KYAT3: variants seen among roughly 807,000 people sequenced by gnomAD.
KYAT3 encodes kynurenine aminotransferase 3.
In KYAT3, 50 loss-of-function variants were observed where a neutral mutation model predicts 59.0. The ratio of observed to expected loss-of-function variants is 0.85; its 90% CI spans 0.68 to 1.07. KYAT3 has a LOEUF of 1.07. KYAT3 is among the 50% of genes least tolerant of loss of function. The pLI, the probability that KYAT3 is intolerant of heterozygous loss-of-function variation, is 0.00. For missense variants in KYAT3, 497 were observed against 533.3 expected, an observed-to-expected ratio of 0.93 and a Z score of 0.67; for synonymous variants, 148 against 177.0, an observed-to-expected ratio of 0.84 and a Z score of 1.30.
chr1:88,955,287 T>C (rs1033414875), intron 8 of KYAT3, 62 bp from the exon 9 acceptor site: 81 of 940,892 alleles, frequency 8.6e-5, no homozygotes, highest in Non-Finnish European at 1.2e-4. Context: ...TAGTATAATC[T>C]AAAAACATAA....
chr1:88,926,968 G>A, the KYAT3 span, among the ~76,000 whole-genome samples: 45 of 152,138 alleles, frequency 3.0e-4, no homozygotes, highest in Non-Finnish European at 5.1e-4. Context: ...TGTTGGGCAC[G>A]CTGGTAAAGG....
At chr1:88,983,764 C>T in intron 2 of KYAT3, 1 of 1,614,028 alleles carries the variant, frequency 6.2e-7, no homozygotes. Flanking sequence ...CAAGAGCTTT[C>T]TCATTTGTTT....
intron 8 of KYAT3, among the ~76,000 whole-genome samples, chr1:88,956,508 C>A (rs796697410): frequency 1.3e-5 from 2 of 152,222 alleles, no homozygotes; most frequent in African/African-American, 4.8e-5. Flanking sequence ...GAATAAGATG[C>A]AATTCTTCAA....
chr1:88,954,741 A>T (rs1675833282), intron 9 of KYAT3, among the ~76,000 whole-genome samples: 1 of 152,236 alleles, frequency 6.6e-6, no homozygotes. Flanking sequence ...TAAACTGAAT[A>T]TGTATGCAAT....
chr1:88,983,023 A>G, intron 2 of KYAT3: 5 of 1,612,950 alleles, frequency 3.1e-6, no homozygotes, highest in Non-Finnish European at 3.4e-6. Context: ...AGTCACGATC[A>G]CGACCATATC....
chr1:88,959,813 T>C (rs891456915), intron 8 of KYAT3, among the ~76,000 whole-genome samples: 3 of 151,742 alleles, frequency 2.0e-5, no homozygotes, highest in Non-Finnish European at 2.9e-5. Context: ...CCCATCTCTA[T>C]AGCAACTTGT....
intron 2 of KYAT3, among the ~76,000 whole-genome samples, chr1:88,975,455 A>G (rs555340914): frequency 1.3e-5 from 2 of 152,102 alleles, no homozygotes; most frequent in African/African-American, 4.8e-5. Flanking sequence ...CCAGCCCCAC[A>G]TTTCAGTGTT....
chr1:88,943,586 G>A (rs149123389), intron 11 of KYAT3, among the ~76,000 whole-genome samples, 163 bp from the exon 12 acceptor site: 45 of 152,258 alleles, frequency 3.0e-4, no homozygotes, highest in African/African-American at 9.4e-4. Context: ...CACACTGTAC[G>A]GTGGGGTGGG....
Position 88,989,099 on chromosome 1 carries a change from T to C in KYAT3, c.-1-748A>G, listed in dbSNP as rs575907817. On this transcript the variant is annotated intron_variant, in intron 1 of 13. Coordinates refer to ENST00000260508, the MANE Select transcript of KYAT3 (RefSeq NM_001008661.3). Reference sequence around the variant, plus strand: ...AAACATTCAGGCAAATAGATATTTCTCATAAGGTTTTACTCTGAGAATGTT... The same window carrying C: ...AAACATTCAGGCAAATAGATATTTCCCATAAGGTTTTACTCTGAGAATGTT... Among the ~76,000 whole-genome samples the C allele has an allele frequency of 9.2e-4, 140 of 152,352 alleles. 3 individuals are homozygous for C. In the South Asian group the frequency reaches 0.027, roughly 29 times the overall value.
the KYAT3 span, among the ~76,000 whole-genome samples, chr1:88,926,423 C>T: frequency 1.3e-5 from 2 of 152,140 alleles, no homozygotes. Flanking sequence ...AAGCAATCCA[C>T]CCCCCTCACC....
the KYAT3 span, among the ~76,000 whole-genome samples, chr1:88,928,211 A>G: frequency 0.14 from 21,685 of 151,938 alleles, 1,691 homozygotes; most frequent in African/African-American, 0.21. Flanking sequence ...ACCTGACTCT[A>G]TTGAAGGTCA....
chr1:88,935,803 T>C lies in KYAT3; in HGVS notation c.*380A>G, dbSNP rs1675013313. 2.5e-6 allele frequency: 1 copy of C among 398,658 alleles called. No homozygotes were observed. Among genetic ancestry groups the C allele is most frequent in the Non-Finnish European group, 4.4e-6 (1 of 226,028 alleles). The allele number at this position is 398,658 out of a possible 1,614,324, so 24.7% of individuals were successfully genotyped here. ...CTAAAGTCAGATGAGTGTTTATTGT[T>C]TGCCAGGCTTTTTGCATACATTAGT... On this transcript the variant is annotated 3_prime_UTR_variant, in exon 14 of 14. Coordinates refer to ENST00000260508, the MANE Select transcript of KYAT3 (RefSeq NM_001008661.3).
intron 1 of KYAT3, among the ~76,000 whole-genome samples, chr1:88,988,834 T>A (rs1677623167): frequency 6.6e-6 from 1 of 152,218 alleles, no homozygotes; most frequent in Non-Finnish European, 1.5e-5. Flanking sequence ...TGATAGTAGG[T>A]CCTTGATAAA....
intron 10 of KYAT3, 59 bp from the exon 11 acceptor site, chr1:88,949,336 G>T: frequency 8.3e-7 from 1 of 1,210,136 alleles, no homozygotes; most frequent in Non-Finnish European, 1.1e-6. Flanking sequence ...TTATTGCTTA[G>T]TTTATTGGTA....
chr1:88,922,777 A>G, the KYAT3 span, among the ~76,000 whole-genome samples: 2 of 152,176 alleles, frequency 1.3e-5, no homozygotes, highest in African/African-American at 4.8e-5. Context: ...CTTCCAACCA[A>G]TGTAGTTTGT....
intron 5 of KYAT3, among the ~76,000 whole-genome samples, chr1:88,964,360 C>T (rs1486224366): frequency 6.6e-6 from 1 of 152,176 alleles, no homozygotes; most frequent in Non-Finnish European, 1.5e-5. Flanking sequence ...CAGTGTTAGT[C>T]CCTTCCATCT....
intron 11 of KYAT3, among the ~76,000 whole-genome samples, chr1:88,945,537 A>G (rs1263314650): frequency 6.6e-6 from 1 of 152,236 alleles, no homozygotes; most frequent in Non-Finnish European, 1.5e-5. Context: ...TTCTCTATCA[A>G]TAGTGATATA....
At chr1:88,977,517 T>A (rs766847034) in intron 2 of KYAT3, among the ~76,000 whole-genome samples, 5 of 152,118 alleles carry the variant, frequency 3.3e-5, no homozygotes, top group Admixed American at 6.6e-5. Flanking sequence ...TTTTGTACTT[T>A]TAGTAGAGAC....
At chr1:88,944,574 T>C (rs2101020251) in intron 11 of KYAT3, among the ~76,000 whole-genome samples, 1 of 152,356 alleles carries the variant, frequency 6.6e-6, no homozygotes, top group East Asian at 1.9e-4. Context: ...AATCCTCTGT[T>C]TACAGATAAG....
Sources: gnomAD v4.1 joint callset for allele counts (sites outside exome capture counted in the v4.1 genomes callset) on GRCh38, gnomAD v4.1.1 for gene constraint, MANE v1.5 for transcripts, NCBI Gene and HGNC (gene_info 2026-07-23, HGNC 2026-07-21) for gene names.